SOD2: variants seen among roughly 807,000 people sequenced by gnomAD.
The protein encoded by SOD2 is superoxide dismutase 2.
A neutral mutation model predicts 27.0 loss-of-function variants in SOD2; 11 were observed. That is an observed-to-expected ratio of 0.41 (90% CI 0.26 to 0.67). SOD2 has a LOEUF of 0.67. SOD2 is among the 30% of genes least tolerant of loss of function. The pLI is 0.34. For synonymous variants in SOD2, 105 were observed against 103.0 expected (o/e 1.02, Z -0.12); for missense variants, 250 against 274.5 (o/e 0.91, Z 0.63).
At chr6:159,757,406 T>C (rs1382004763) in intron 1 of SOD2, among the ~76,000 whole-genome samples, 1 of 144,982 alleles carries the variant, frequency 6.9e-6, no homozygotes, top group Non-Finnish European at 1.5e-5. Context: ...CCTTTTCTTT[T>C]TTTTCTTTTT....
At chr6:159,727,849 T>C (rs2114854140), upstream of SOD2, 1 of 519,988 alleles carries the variant, frequency 1.9e-6, no homozygotes, top group Non-Finnish European at 2.5e-6. Flanking sequence ...CGTGAGCCGC[T>C]CTACCTTCCC....
intron 1 of SOD2, among the ~76,000 whole-genome samples, chr6:159,757,283 C>G (rs1205842315): frequency 6.6e-6 from 1 of 152,106 alleles, no homozygotes; most frequent in Non-Finnish European, 1.5e-5. Flanking sequence ...TTATAATACT[C>G]GAAAACTGAG....
At chr6:159,699,264 A>G (rs1777484693) in intron 1 of SOD2, among the ~76,000 whole-genome samples, 1 of 152,114 alleles carries the variant, frequency 6.6e-6, no homozygotes, top group South Asian at 2.1e-4. Context: ...AAAGCTTGAC[A>G]TTGCTTCTAT....
intron 1 of SOD2, among the ~76,000 whole-genome samples, chr6:159,734,219 G>C (rs1469179029): frequency 1.3e-5 from 2 of 151,874 alleles, no homozygotes; most frequent in East Asian, 1.9e-4. Context: ...TTACCACATT[G>C]CCCGGGCTCG....
chr6:159,757,520 C>T (rs1780040973), intron 1 of SOD2, among the ~76,000 whole-genome samples: 1 of 151,284 alleles, frequency 6.6e-6, no homozygotes, highest in Admixed American at 6.6e-5. Context: ...TCAAGTAATT[C>T]TCCTGCCTCA....
At position 159,677,657 on chromosome 6, in the gene SOD2, T is replaced by C. The variant is rs564948722; in HGVS notation, c.*4836A>G. 2 of 152,334 alleles carry C rather than the reference T, an allele frequency of 1.3e-5. No homozygotes were observed. Among genetic ancestry groups the C allele is most frequent in the East Asian group, 3.9e-4 (2 of 5,192 alleles). The allele number at this position is 152,334 out of a possible 1,614,324, so 9.4% of individuals were successfully genotyped here. A position where few individuals can be genotyped will look rare whatever the true frequency, so the allele number is the denominator to read the frequency against. On this transcript the variant is annotated 3_prime_UTR_variant, in exon 5 of 5. Coordinates refer to ENST00000538183, the MANE Select transcript of SOD2 (RefSeq NM_000636.4). Reference sequence around the variant, plus strand: ...AACTTTAAGAGACAGGGTCTCACACTGTCACCCAGGCTGGAGTGCAGTAGC... The same window carrying C: ...AACTTTAAGAGACAGGGTCTCACACCGTCACCCAGGCTGGAGTGCAGTAGC...
chr6:159,758,250 G>A (rs1410292813), intron 1 of SOD2, among the ~76,000 whole-genome samples: 1 of 134,304 alleles, frequency 7.4e-6, no homozygotes. Context: ...AGCTTGGGCT[G>A]CTGTGAAAAA....
At chr6:159,736,913 T>TA (rs1216496884) in intron 1 of SOD2, among the ~76,000 whole-genome samples, 1 of 152,226 alleles carries the variant, frequency 6.6e-6, no homozygotes, top group African/African-American at 2.4e-5. Flanking sequence ...GAAAGCTTAC[T>TA]AAACTTAATA....
At chr6:159,723,593 A>G (rs896512501) in intron 1 of SOD2, among the ~76,000 whole-genome samples, 2 of 152,178 alleles carry the variant, frequency 1.3e-5, no homozygotes, top group African/African-American at 4.8e-5. Flanking sequence ...GCTCACTGTT[A>G]CTGTAGGGTG....
chr6:159,739,863 A>C (rs1779144219), intron 1 of SOD2, among the ~76,000 whole-genome samples: 1 of 126,234 alleles, frequency 7.9e-6, no homozygotes. Context: ...TTTTTGCCAT[A>C]ATCTCATACA....
At chr6:159,685,389 C>T (rs2758333) in intron 3 of SOD2, among the ~76,000 whole-genome samples, 117,648 of 151,806 alleles carry the variant, frequency 0.77, 45,965 homozygotes, top group South Asian at 0.85. Flanking sequence ...ATTACAGGCA[C>T]GTGCCATCAC....
intron 1 of SOD2, among the ~76,000 whole-genome samples, chr6:159,716,523 T>G (rs1001006165): frequency 6.6e-6 from 1 of 152,132 alleles, no homozygotes; most frequent in Non-Finnish European, 1.5e-5. Context: ...CCCGAGAGAT[T>G]TCCTCTGATC....
intron 1 of SOD2, among the ~76,000 whole-genome samples, chr6:159,737,221 G>C (rs1217481711): frequency 6.6e-6 from 1 of 152,034 alleles, no homozygotes; most frequent in African/African-American, 2.4e-5. Context: ...GCTAATTTTT[G>C]TATTTCTTGT....
chr6:159,760,652 G>C (rs1441644722), intron 1 of SOD2: 1 of 152,270 alleles, frequency 6.6e-6, no homozygotes, highest in East Asian at 1.9e-4. Flanking sequence ...AGACTTGTCA[G>C]TATACAGGTG....
At position 159,735,366 on chromosome 6, in the gene SOD2, T is replaced by C. The variant is rs1163517920; in HGVS notation, c.-116+9764A>G. Reference sequence around the variant, plus strand: ...ATGTTGGCCAGACTTGTCTTGAACTTCTGACCTCAAGTGATCCACCCACCA... The same window carrying C: ...ATGTTGGCCAGACTTGTCTTGAACTCCTGACCTCAAGTGATCCACCCACCA... On this transcript the variant is annotated intron_variant, in intron 1 of 3. Coordinates refer to the SOD2 transcript ENST00000537657. Among the ~76,000 whole-genome samples, 5 of 152,260 alleles carry C rather than the reference T, an allele frequency of 3.3e-5. No individual in the cohort carries two copies. The East Asian group carries it at 7.7e-4, about 24-fold the overall frequency.
chr6:159,704,786 C>T (rs1376667832), intron 1 of SOD2, among the ~76,000 whole-genome samples: 1 of 152,158 alleles, frequency 6.6e-6, no homozygotes, highest in Non-Finnish European at 1.5e-5. Context: ...AGTGGTTCTC[C>T]CAGCACAGAG....
At chr6:159,727,831 C>A (rs1192700541), upstream of SOD2, 1 of 659,250 alleles carries the variant, frequency 1.5e-6, no homozygotes, top group Non-Finnish European at 1.9e-6. Flanking sequence ...GGTGCGGCAC[C>A]GGTCTCTCGT....
At chr6:159,717,921 G>A (rs867150763) in intron 1 of SOD2, among the ~76,000 whole-genome samples, 1 of 140,810 alleles carries the variant, frequency 7.1e-6, no homozygotes. Flanking sequence ...GTGTGTGTGT[G>A]TGTGTGTATA....
rs760971753 is a variant in SOD2 at position 159,716,583 on chromosome 6, A to C, written c.-116+10546T>G. Among the ~76,000 whole-genome samples the C allele has an allele frequency of 3.3e-5, 5 of 152,322 alleles. No individual in the cohort carries two copies. The Middle Eastern group carries it at 0.01, about 311-fold the overall frequency. On this transcript the variant is annotated intron_variant, in intron 1 of 2. Coordinates refer to the SOD2 transcript ENST00000401980. ...AACTCTGCCTGCAAGAAGACTGAGCACCATCACTATGTGGTAAAGACCATG... is the reference window on the plus strand; with the variant it reads ...AACTCTGCCTGCAAGAAGACTGAGCCCCATCACTATGTGGTAAAGACCATG...
Sources: allele counts gnomAD v4.1 joint callset (sites outside exome capture counted in the v4.1 genomes callset), GRCh38; gene constraint gnomAD v4.1.1; transcripts MANE v1.5; gene names NCBI Gene and HGNC (gene_info 2026-07-23, HGNC 2026-07-21).